Variants in DMD observed in about 807,000 individuals in gnomAD.
The protein encoded by DMD is mutant dystrophin.
DMD carries 63 observed loss-of-function variants against 330.1 expected under a neutral mutation model. That is an observed-to-expected ratio of 0.19 (90% CI 0.16 to 0.24). DMD has a LOEUF of 0.24. Ranked by LOEUF, DMD falls within the 10% of genes least tolerant of loss-of-function variation. The pLI is 1.00. For synonymous variants in DMD, 1,223 were observed against 959.8 expected, an observed-to-expected ratio of 1.27 and a Z score of -5.07; for missense variants, 3,344 against 2,684.1, an observed-to-expected ratio of 1.25 and a Z score of -5.43.
intron 62 of DMD, among the ~76,000 whole-genome samples, chrX:31,267,122 A>AGAAAGAAAGAAAGAAG (rs1158682291): frequency 9.0e-6 from 1 of 110,511 alleles, no homozygotes; most frequent in Non-Finnish European, 1.9e-5. Context: ...AAAGAAAGAA[A>AGAAAGAAAGAAAGAAG]GAAAGAAAGA....
intron 1 of DMD, among the ~76,000 whole-genome samples, chrX:33,089,994 A>T (rs1015989226): frequency 9.0e-6 from 1 of 111,190 alleles, no homozygotes; most frequent in Non-Finnish European, 1.9e-5. Context: ...ATCTATAAAA[A>T]CCCCTAAGAT....
chrX:32,429,387 G>GTTATTTTTTTTTTT (rs1191026907), intron 29 of DMD, among the ~76,000 whole-genome samples: 7 of 44,202 alleles, frequency 1.6e-4, no homozygotes, highest in African/African-American at 7.7e-4. Flanking sequence ...TTTTTTTTGG[G>GTTATTTTTTTTTTT]TTTTTTTTTT....
chrX:33,230,619 G>T (rs924987282), intron 1 of DMD, among the ~76,000 whole-genome samples: 1 of 110,834 alleles, frequency 9.0e-6, no homozygotes, highest in Non-Finnish European at 1.9e-5. Flanking sequence ...GCATATATCT[G>T]ACCTTTATTG....
At chrX:32,978,252 T>C (rs1353712894) in intron 2 of DMD, among the ~76,000 whole-genome samples, 1 of 111,355 alleles carries the variant, frequency 9.0e-6, no homozygotes, top group African/African-American at 3.3e-5. Context: ...GCCAGTTCCC[T>C]GTGCTAAGAG....
intron 57 of DMD, among the ~76,000 whole-genome samples, chrX:31,491,351 G>A (rs924880826): frequency 8.9e-6 from 1 of 111,934 alleles, no homozygotes; most frequent in Non-Finnish European, 1.9e-5. Flanking sequence ...AAGTAGACAA[G>A]TAATAAATAT....
chrX:32,237,634 G>A (rs2048361001), intron 43 of DMD, among the ~76,000 whole-genome samples: 1 of 111,852 alleles, frequency 8.9e-6, no homozygotes, highest in South Asian at 3.7e-4. Flanking sequence ...GCATGACCAC[G>A]TGACTTCCTT....
intron 29 of DMD, among the ~76,000 whole-genome samples, chrX:32,413,589 T>G (rs143432735): frequency 0.017 from 1,830 of 110,889 alleles, 41 homozygotes; most frequent in African/African-American, 0.058. Context: ...TTCACTGGCA[T>G]TTTACTCTGC....
At chrX:32,734,781 A>C (rs1397652983) in intron 7 of DMD, among the ~76,000 whole-genome samples, 3 of 107,878 alleles carry the variant, frequency 2.8e-5, no homozygotes, top group Admixed American at 9.9e-5. Context: ...AATAAGAGCT[A>C]TCTATGACAA....
At chrX:32,847,289 TA>T (rs2148999314) in intron 3 of DMD, among the ~76,000 whole-genome samples, 1 of 112,018 alleles carries the variant, frequency 8.9e-6, no homozygotes, top group African/African-American at 3.2e-5. Flanking sequence ...TCTACTCTTT[TA>T]AAAAGCTGCA....
At position 33,009,894 on chromosome X, in the gene DMD, GTA is replaced by G. The variant is rs746795670; in HGVS notation, c.93+10243_93+10244del. 5.9e-5 allele frequency among the ~76,000 whole-genome samples: 4 copies of G among 68,326 alleles called. 1 individual carries two copies. Among genetic ancestry groups the G allele is most frequent in the East Asian group, 1.2e-3 (2 of 1,622 alleles). 59.3% of individuals were successfully genotyped at this position (68,326 alleles called of 115,157 possible). Reference sequence around the variant, plus strand: ...TATATGTGTATATACACACATATGTGTATATGTGTGTATATGTGTATATGTGT... The same window carrying G: ...TATATGTGTATATACACACATATGTGTATGTGTGTATATGTGTATATGTGT... On this transcript the variant is annotated intron_variant, in intron 2 of 78. Coordinates refer to ENST00000357033, the MANE Select transcript of DMD (RefSeq NM_004006.3).
chrX:32,392,947 G>A (rs1323696772), intron 30 of DMD, among the ~76,000 whole-genome samples: 1 of 112,621 alleles, frequency 8.9e-6, no homozygotes, highest in Non-Finnish European at 1.9e-5. Context: ...GCCCAGTTGA[G>A]CATTCAGGTT....
intron 52 of DMD, among the ~76,000 whole-genome samples, chrX:31,686,502 GT>G (rs1379573062): frequency 1.8e-5 from 2 of 111,773 alleles, no homozygotes; most frequent in Non-Finnish European, 3.8e-5. Context: ...AATTTCCTTT[GT>G]TTCTTATTTA....
intron 44 of DMD, among the ~76,000 whole-genome samples, chrX:32,005,729 A>G (rs985146267): frequency 3.6e-5 from 4 of 111,250 alleles, no homozygotes; most frequent in Admixed American, 9.7e-5. Context: ...TTCTAAACCA[A>G]TAACAGAGTA....
chrX:31,838,929 T>C (rs866853504), intron 48 of DMD, among the ~76,000 whole-genome samples: 3 of 111,954 alleles, frequency 2.7e-5, no homozygotes, highest in Middle Eastern at 4.6e-3. Context: ...AACAACTTAA[T>C]AACATATCCA....
rs2032634021 is a variant in DMD, at chrX:31,121,870, A to G, written c.*49T>C. On this transcript the variant is annotated 3_prime_UTR_variant, in exon 79 of 79. Transcript: ENST00000357033. The stretch of plus-strand genomic sequence containing the variant: ...TTCTTCATCTGTCATGACTGATACT[A>G]AGGACTCCATCGCTCTGCCCAAATC... 2 of 1,207,852 alleles carry G rather than the reference A, an allele frequency of 1.7e-6. No individual in the cohort carries two copies. Among genetic ancestry groups the G allele is most frequent in the Non-Finnish European group, 2.2e-6 (2 of 891,873 alleles).
At chrX:31,283,658 T>C (rs1339765193) in intron 62 of DMD, among the ~76,000 whole-genome samples, 4 of 109,425 alleles carry the variant, frequency 3.7e-5, no homozygotes, top group African/African-American at 1.4e-4. Flanking sequence ...TCATAAAACA[T>C]GTGTGCTAAA....
At position 32,663,977 on chromosome X, in the gene DMD, A is replaced by G. The variant is rs60791214; in HGVS notation, c.961-18825T>C. ...AGGAGGTGATTGTGCATGGGCTTATAAAACAGCAGGACTGCATTTTACTGA... is the reference window on the plus strand; with the variant it reads ...AGGAGGTGATTGTGCATGGGCTTATGAAACAGCAGGACTGCATTTTACTGA... On this transcript the variant is annotated intron_variant, in intron 9 of 78. Coordinates refer to ENST00000357033, the MANE Select transcript of DMD (RefSeq NM_004006.3). Among the ~76,000 whole-genome samples, 332 of 111,464 alleles carry G rather than the reference A, an allele frequency of 3.0e-3. 1 individual carries two copies. The highest frequency in any genetic ancestry group is 8.2e-3 in the African/African-American group (252 of 30,676).
chrX:32,915,865 T>G (rs1439278205), intron 2 of DMD, among the ~76,000 whole-genome samples: 1 of 111,862 alleles, frequency 8.9e-6, no homozygotes, highest in African/African-American at 3.2e-5. Context: ...CCATAAATTC[T>G]TAAACTTCAT....
At chrX:33,318,804 C>G (rs2053972501) in intron 1 of DMD, among the ~76,000 whole-genome samples, 1 of 110,799 alleles carries the variant, frequency 9.0e-6, no homozygotes, top group South Asian at 3.8e-4. Context: ...GGCCTTACCA[C>G]ATTCCAAAAT....
Sources: gnomAD v4.1 joint callset for allele counts (sites outside exome capture counted in the v4.1 genomes callset) on GRCh38, gnomAD v4.1.1 for gene constraint, MANE v1.5 for transcripts, NCBI Gene and HGNC (gene_info 2026-07-23, HGNC 2026-07-21) for gene names.